The following HCFC1 variants were observed in gnomAD, a reference collection of about 807,000 sequenced individuals.
The protein encoded by HCFC1 is host cell factor C1, also known as host cell factor 1.
In HCFC1, 7 loss-of-function variants were observed where a neutral mutation model predicts 105.5. That is an observed-to-expected ratio of 0.07 (90% CI 0.04 to 0.12). The LOEUF (loss-of-function observed/expected upper bound fraction) is 0.12, where lower values mean the gene tolerates loss of function less well. Among genes scored for constraint, HCFC1 ranks in the 10% least tolerant of loss-of-function variants. HCFC1 has a pLI of 1.00. For synonymous variants in HCFC1, 918 were observed against 828.1 expected (o/e 1.11, Z -1.86); for missense variants, 1,065 against 1,823.6 (o/e 0.58, Z 7.58).
In HCFC1 at chrX:153,950,475, G is replaced by A. The variant is rs782090098; in HGVS notation, c.5772C>T (p.Ser1924=). ...SVTSGKIIEY[S]VYLAIQSSQA... ...GTGAGCTCTGGATGGCCAGGTACAC[G>A]GAGTACTCGATAATCTTGCCGGAGG... is the stretch of plus-strand genomic sequence containing the variant. The change falls in exon 24 of 26, where the codon TCC becomes TCT. Residue 1924 remains serine, a synonymous_variant. Coordinates refer to ENST00000310441, the MANE Select transcript of HCFC1 (RefSeq NM_005334.3). 41 of 1,195,683 alleles carry A rather than the reference G, an allele frequency of 3.4e-5. No homozygotes were observed. In the Admixed American group the frequency reaches 4.7e-4, roughly 14 times the overall value.
Position 153,955,109 on chromosome X carries a change from T to G in HCFC1, c.3290A>C (p.Asn1097Thr), listed in dbSNP as rs201404751. 705 of 1,202,712 alleles carry G rather than the reference T, an allele frequency of 5.9e-4. 1 individual carries two copies. The highest frequency in any genetic ancestry group is 6.9e-4 in the Non-Finnish European group (615 of 892,794). ...TTNTATTATS[N>T]MAGQHGCSNP... The stretch of plus-strand genomic sequence containing the variant: ...TGAGCAGCCATGCTGCCCGGCCATG[T>G]TGGAGGTGGCGGTGGTGGCGGTGTT... Residue 1097 changes from asparagine to threonine, a missense_variant, in exon 17 of 26, where the codon AAC becomes ACC. Physicochemically the swap from Asn to Thr is moderately conservative, Grantham distance 65 (BLOSUM62 0). Around this residue, in one of 17 missense-constraint regions of HCFC1, gnomAD observed 546 missense variants for 599.9 expected, o/e 0.91. Transcript: ENST00000310441.
At position 153,955,305 on chromosome X, in the gene HCFC1, T is replaced by C; in HGVS notation, c.3094A>G (p.Thr1032Ala). The C allele has an allele frequency of 8.4e-7, 1 of 1,197,542 alleles. No individual in the cohort carries two copies. Among genetic ancestry groups the C allele is most frequent in the Non-Finnish European group, 1.1e-6 (1 of 890,220 alleles). ...ETGTTNTATT[T>A]VVANLGGHPQ... is the part of the protein sequence containing the mutation. ...TGTCCCCCAAGGTTAGCCACAACAG[T>C]AGTGGTGGCCGTGTTGGTGGTGCCA... Residue 1032 changes from threonine (T) to alanine (A), a missense_variant, in exon 17 of 26, where the codon ACT becomes GCT. By Grantham distance (58) the Thr-to-Ala change is moderately conservative. Around this residue, in one of 17 missense-constraint regions of HCFC1, gnomAD observed 546 missense variants for 599.9 expected, o/e 0.91. Transcript: ENST00000310441.
At chrX:153,951,207 G>T (rs1352458475) in intron 22 of HCFC1, 143 bp downstream of exon 22, 14 of 720,806 alleles carry the variant, frequency 1.9e-5, no homozygotes, top group Non-Finnish European at 2.7e-5. Context: ...ACTGCTTCAG[G>T]GGGGATGGTC....
rs1302434138 is a variant in HCFC1 at position 153,964,213 on chromosome X, G to C, written c.414C>G (p.Leu138=). 7.5e-6 allele frequency: 9 copies of C among 1,204,717 alleles called. No individual in the cohort carries two copies. The highest frequency in any genetic ancestry group is 7.9e-6 in the Non-Finnish European group (7 of 891,627). Residue 138 remains leucine, a synonymous_variant, in exon 3 of 26, where the codon CTC becomes CTG. Transcript: ENST00000310441. ...TGCCCACAAGGGAGAAGCTGTGCCCGAGTCGAGGACACGGAGGGGGCCCGT... is the reference window on the plus strand; with the variant it reads ...TGCCCACAAGGGAGAAGCTGTGCCCCAGTCGAGGACACGGAGGGGGCCCGT... ...PKNGPPPCPR[L]GHSFSLVGNK...
intron 4 of HCFC1, among the ~76,000 whole-genome samples, chrX:153,962,604 CATGAA>C (rs782284481): frequency 1.0e-3 from 113 of 112,488 alleles, no homozygotes; most frequent in Middle Eastern, 4.6e-3. Context: ...CCGAACTCTC[CATGAA>C]ATACGTTCAC....
At position 153,971,409 on chromosome X, in the gene HCFC1, G is replaced by A; in HGVS notation, c.-569C>T. 1.0e-5 allele frequency: 3 copies of A among 295,570 alleles called. No individual in the cohort carries two copies. Among genetic ancestry groups the A allele is most frequent in the Non-Finnish European group, 1.8e-5 (3 of 169,094 alleles). The allele number at this position is 295,570 out of a possible 1,213,427, so 24.4% of individuals were successfully genotyped here. ...CCCCGCCCAGCGCCTTAGTGCAGCC[G>A]CCGCTCCCGAAACAGCCTCGACACA... On this transcript the variant is annotated 5_prime_UTR_variant, in exon 1 of 26. Coordinates refer to ENST00000310441, the MANE Select transcript of HCFC1 (RefSeq NM_005334.3).
rs782223627 is a variant in HCFC1, at chrX:153,954,196, G to T, written c.4203C>A (p.Pro1401=). The T allele has an allele frequency of 8.3e-7, 1 of 1,208,873 alleles. No individual in the cohort carries two copies. The highest frequency in any genetic ancestry group is 2.2e-5 in the Admixed American group (1 of 45,834). ...GAGCCAGCAGCGCGGTGCCAGCCTG[G>T]GGGGTGACGCTGGGTGCCGCCGCCA... ...LEVAAAPSVT[P]QAGTALLAPF... is the part of the protein sequence containing the mutation. Residue 1401 remains proline (P), a synonymous_variant, in exon 17 of 26, where the codon CCC becomes CCA. Transcript: ENST00000310441.
chrX:153,956,732 C>T lies in HCFC1; in HGVS notation c.2528G>A (p.Gly843Asp). ...VVLKGAPGQP[G>D]TILRTVPMGG... is the part of the protein sequence containing the mutation. ...CATGGGCACAGTGCGGAGGATGGTG[C>T]CTGGCTGTCCCGGGGCCCCCTTAAG... The change falls in exon 15 of 26, where the codon GGC becomes GAC. Residue 843 changes from glycine (G) to aspartate (D), a missense_variant. Coordinates refer to ENST00000310441, the MANE Select transcript of HCFC1 (RefSeq NM_005334.3). 1 of 1,211,116 alleles carries T rather than the reference C, an allele frequency of 8.3e-7. No homozygotes were observed. The highest frequency in any genetic ancestry group is 1.1e-6 in the Non-Finnish European group (1 of 895,455).
At chrX:153,956,087 C>T (rs2065373466) in intron 16 of HCFC1, 104 bp downstream of exon 16, 29 of 768,016 alleles carry the variant, frequency 3.8e-5, no homozygotes, top group South Asian at 7.3e-5. Context: ...CCGGCAGCAG[C>T]GCAACACCAG....
chrX:153,959,213 G>A, intron 9 of HCFC1, 118 bp downstream of exon 9: 2 of 769,223 alleles, frequency 2.6e-6, no homozygotes, highest in South Asian at 2.8e-5. Flanking sequence ...TCCCAGGAGG[G>A]AAAGGTGTGG....
intron 6 of HCFC1, 51 bp from the exon 7 acceptor site, chrX:153,960,465 C>A (rs782728724): frequency 2.1e-6 from 2 of 967,635 alleles, no homozygotes; most frequent in Admixed American, 3.2e-5. Context: ...AGGAAACCCG[C>A]CACCCCTGGT....
chrX:153,953,568 C>T (rs185063419), intron 18 of HCFC1, 39 bp downstream of exon 18: 542 of 1,184,098 alleles, frequency 4.6e-4, no homozygotes, highest in Non-Finnish European at 5.9e-4. Flanking sequence ...GGGCGTAGGC[C>T]GGGAAGGCGG....
intron 8 of HCFC1, 57 bp from the exon 9 acceptor site, chrX:153,959,548 C>T: frequency 8.5e-7 from 1 of 1,173,434 alleles, no homozygotes; most frequent in Non-Finnish European, 1.2e-6. Context: ...GTCCCCAGCC[C>T]CTTTGCAGGC....
chrX:153,953,050 G>T, intron 18 of HCFC1, 92 bp from the exon 19 acceptor site: 1 of 711,642 alleles, frequency 1.4e-6, no homozygotes, highest in Non-Finnish European at 2.2e-6. Flanking sequence ...GACTTCAGTA[G>T]TCAGAGCCCT....
At chrX:153,950,743 C>A in intron 23 of HCFC1, 70 bp downstream of exon 23, 1 of 1,069,915 alleles carries the variant, frequency 9.3e-7, no homozygotes, top group South Asian at 2.0e-5. Context: ...TGCCCCCCCC[C>A]GGCCACCTCA....
At chrX:153,953,802 C>A in intron 17 of HCFC1, 32 bp from the exon 18 acceptor site, 1 of 1,171,113 alleles carries the variant, frequency 8.5e-7, no homozygotes, top group South Asian at 1.9e-5. Context: ...GGCTGCTCAG[C>A]AGGAGCCCCC....
rs782684668 is a variant in HCFC1 at position 153,950,343 on chromosome X, G to A, written c.5904C>T (p.Asn1968=). Residue 1968 remains asparagine, a synonymous_variant, in exon 24 of 26, where the codon AAC becomes AAT. Coordinates refer to ENST00000310441, the MANE Select transcript of HCFC1 (RefSeq NM_005334.3). ...GCTTGGTGGTGTAGTCGATGTGGGCGTTGGAAAGGCTGGAGGACTGCACCA... is the reference window on the plus strand; with the variant it reads ...GCTTGGTGGTGTAGTCGATGTGGGCATTGGAAAGGCTGGAGGACTGCACCA... ...SCLVQSSSLS[N]AHIDYTTKPA... 3.9e-5 allele frequency: 47 copies of A among 1,209,299 alleles called. No individual in the cohort carries two copies. Among genetic ancestry groups the A allele is most frequent in the Admixed American group, 4.4e-5 (2 of 45,851 alleles).
chrX:153,952,938 C>A lies in HCFC1; in HGVS notation c.4518G>T (p.Val1506=). Residue 1506 remains valine (V), a synonymous_variant, in exon 19 of 26, where the codon GTG becomes GTT. Transcript: ENST00000310441. ...PSVPPPEELQ[V]SPGPRQQLPP... is the part of the protein sequence containing the mutation. ...GCAGCTGCTGGCGAGGACCTGGCGACACCTGGAGTTCCTCTGGGGGCTGCA... is the reference window on the plus strand; with the variant it reads ...GCAGCTGCTGGCGAGGACCTGGCGAAACCTGGAGTTCCTCTGGGGGCTGCA... 1 of 1,175,968 alleles carries A rather than the reference C, an allele frequency of 8.5e-7. No individual in the cohort carries two copies. Among genetic ancestry groups the A allele is most frequent in the South Asian group, 1.9e-5 (1 of 53,540 alleles).
In HCFC1 at chrX:153,951,589, C is replaced by T. The variant is rs998182092; in HGVS notation, c.5379G>A (p.Val1793=). ...AGGAGCCCCAACACACCCGACTCAC[C>T]ACACCCAGGGACTCGATGCCATTGG... ...EVANGIESLG[V]KPDLPPPPSK... Residue 1793 remains valine, a splice_region_variant and synonymous_variant, in exon 21 of 26, where the codon GTG becomes GTA. Transcript: ENST00000310441. The T allele has an allele frequency of 5.8e-6, 7 of 1,209,671 alleles. No individual in the cohort carries two copies. The highest frequency in any genetic ancestry group is 6.7e-6 in the Non-Finnish European group (6 of 893,808).
Sources: allele counts gnomAD v4.1 joint callset (sites outside exome capture counted in the v4.1 genomes callset), GRCh38; gene constraint gnomAD v4.1.1; regional missense constraint gnomAD v4.1.1; transcripts MANE v1.5; gene names NCBI Gene and HGNC (gene_info 2026-07-23, HGNC 2026-07-21).